Variants in ATF3 observed in about 807,000 individuals in gnomAD.
ATF3 encodes activating transcription factor 3.
Under a neutral mutation model 18.4 loss-of-function variants are expected in ATF3, and 10 were observed. That is an observed-to-expected ratio of 0.54 (90% confidence interval 0.34 to 0.92). The LOEUF is 0.92. Ranked by LOEUF, ATF3 falls within the 40% of genes least tolerant of loss-of-function variation. The pLI, the probability that ATF3 is intolerant of heterozygous loss-of-function variation, is 0.02. For synonymous variants in ATF3, 78 were observed against 87.9 expected (o/e 0.89, Z 0.63); for missense variants, 183 against 222.3 (o/e 0.82, Z 1.12).
At chr1:212,566,326 G>C (rs1174791220) in intron 1 of ATF3, among the ~76,000 whole-genome samples, 1 of 152,076 alleles carries the variant, frequency 6.6e-6, no homozygotes, top group Non-Finnish European at 1.5e-5. Flanking sequence ...CACCAGAAAG[G>C]GCACAAGTTT....
intron 1 of ATF3, among the ~76,000 whole-genome samples, chr1:212,588,774 A>AT (rs1159144899): frequency 6.6e-6 from 1 of 151,716 alleles, no homozygotes; most frequent in Non-Finnish European, 1.5e-5. Context: ...TCATTTCCTG[A>AT]TTTTTTCCAT....
chr1:212,615,258 C>T lies in ATF3; in HGVS notation c.237C>T (p.Ala79=), dbSNP rs549700765. ...CCCTCGGGGTGTCCATCACAAAAGCCGAGGTGGGTTCTATCACAGGTATTC... is the reference window on the plus strand; with the variant it reads ...CCCTCGGGGTGTCCATCACAAAAGCTGAGGTGGGTTCTATCACAGGTATTC... ...DRPLGVSITK[A]EVAPEEDERK... is the part of the protein sequence containing the mutation. Residue 79 remains alanine, a synonymous_variant, in exon 2 of 4, where the codon GCC becomes GCT. Coordinates refer to ENST00000341491, the MANE Select transcript of ATF3 (RefSeq NM_001674.4). 15 of 1,610,110 alleles carry T rather than the reference C, an allele frequency of 9.3e-6. No homozygotes were observed. The highest frequency in any genetic ancestry group is 2.2e-5 in the East Asian group (1 of 44,872).
At chr1:212,598,899 T>C (rs547828917) in intron 1 of ATF3, among the ~76,000 whole-genome samples, 113 of 152,374 alleles carry the variant, frequency 7.4e-4, no homozygotes, top group African/African-American at 2.5e-3. Context: ...TCTTGGCTAC[T>C]GTGAACAGAG....
At chr1:212,594,178 C>T (rs74138559) in intron 1 of ATF3, among the ~76,000 whole-genome samples, 3,172 of 152,244 alleles carry the variant, frequency 0.021, 119 homozygotes, top group African/African-American at 0.07. Flanking sequence ...GTGGAGCTGA[C>T]GAGCAGCTGG....
chr1:212,604,580 A>G (rs1434569597), upstream of ATF3, among the ~76,000 whole-genome samples: 1 of 152,102 alleles, frequency 6.6e-6, no homozygotes, highest in Non-Finnish European at 1.5e-5. Flanking sequence ...TCTTAACTCT[A>G]GTTTTTGGAG....
chr1:212,569,517 C>T (rs1414173363), intron 1 of ATF3, among the ~76,000 whole-genome samples: 1 of 152,012 alleles, frequency 6.6e-6, no homozygotes, highest in African/African-American at 2.4e-5. Context: ...AGAAAGGAGA[C>T]AGTAGACAGA....
upstream of ATF3, among the ~76,000 whole-genome samples, chr1:212,607,279 G>A (rs370293770): frequency 9.2e-5 from 14 of 152,316 alleles, no homozygotes; most frequent in East Asian, 2.3e-3. Context: ...TCTCCCAGAG[G>A]CAGGTGGAAA....
At chr1:212,601,893 T>C (rs538777589) in intron 1 of ATF3, among the ~76,000 whole-genome samples, 12 of 152,198 alleles carry the variant, frequency 7.9e-5, no homozygotes, top group Non-Finnish European at 1.8e-4. Flanking sequence ...ATTTATTGAA[T>C]GTCACTTTTG....
chr1:212,579,170 C>T (rs1664635731), intron 1 of ATF3, among the ~76,000 whole-genome samples: 1 of 151,926 alleles, frequency 6.6e-6, no homozygotes, highest in Non-Finnish European at 1.5e-5. Flanking sequence ...CACCACCATG[C>T]CTGGTTAATT....
intron 1 of ATF3, among the ~76,000 whole-genome samples, chr1:212,597,435 C>CTATCTATT (rs1381145691): frequency 6.6e-6 from 1 of 152,020 alleles, no homozygotes; most frequent in East Asian, 1.9e-4. Flanking sequence ...ATCTATCTAT[C>CTATCTATT]TATCTATCTA....
Position 212,618,962 on chromosome 1 carries a change from C to T in ATF3, c.349-396C>T. 2 of 1,559,152 alleles carry T rather than the reference C, an allele frequency of 1.3e-6. No homozygotes were observed. The highest frequency in any genetic ancestry group is 2.2e-5 in the South Asian group (2 of 89,666). On this transcript the variant is annotated intron_variant, in intron 3 of 3. Transcript: ENST00000341491. The surrounding 1 kb of genome is among the most constrained non-coding windows in gnomAD (Gnocchi z 4.4). ...AGGGAATTTTGTGTGTTGCTATATACATTTTTTCTGGGGAGATGAGCTTCT... is the reference window on the plus strand; with the variant it reads ...AGGGAATTTTGTGTGTTGCTATATATATTTTTTCTGGGGAGATGAGCTTCT...
intron 1 of ATF3, among the ~76,000 whole-genome samples, chr1:212,566,135 G>A (rs995917571): frequency 1.2e-4 from 19 of 152,282 alleles, no homozygotes; most frequent in African/African-American, 4.1e-4. Flanking sequence ...TGAGGGTCAG[G>A]AGATCTTGTT....
chr1:212,576,317 G>A (rs1664575152), intron 1 of ATF3, among the ~76,000 whole-genome samples: 1 of 151,600 alleles, frequency 6.6e-6, no homozygotes, highest in Non-Finnish European at 1.5e-5. Flanking sequence ...CTTTCTGTTT[G>A]TGTTTTTCTC....
chr1:212,593,901 T>C (rs1270102267), intron 1 of ATF3, among the ~76,000 whole-genome samples: 1 of 152,200 alleles, frequency 6.6e-6, no homozygotes, highest in Non-Finnish European at 1.5e-5. Flanking sequence ...AAAGTCCCTG[T>C]TCAATCTGTG....
At chr1:212,602,283 C>G (rs180975819) in intron 1 of ATF3, among the ~76,000 whole-genome samples, 1 of 152,154 alleles carries the variant, frequency 6.6e-6, no homozygotes, top group African/African-American at 2.4e-5. Context: ...TTCTTACAAT[C>G]AGCTTTTTTC....
chr1:212,603,351 G>A (rs1024003732), intron 1 of ATF3, among the ~76,000 whole-genome samples: 7 of 152,202 alleles, frequency 4.6e-5, no homozygotes, highest in South Asian at 4.1e-4. Context: ...AGAGGGGCAG[G>A]GATTTAAAAA....
At chr1:212,590,477 C>A (rs1286454361) in intron 1 of ATF3, among the ~76,000 whole-genome samples, 3 of 152,008 alleles carry the variant, frequency 2.0e-5, no homozygotes, top group Non-Finnish European at 4.4e-5. Flanking sequence ...AGTTCACCAT[C>A]CAAATAATTT....
intron 1 of ATF3, among the ~76,000 whole-genome samples, chr1:212,580,376 A>T (rs892735985): frequency 2.7e-5 from 4 of 149,312 alleles, no homozygotes; most frequent in African/African-American, 1.0e-4. Context: ...GTGCAGTGGC[A>T]CGATCTCTGC....
chr1:212,576,696 A>T (rs918354341), intron 1 of ATF3, among the ~76,000 whole-genome samples: 6 of 149,076 alleles, frequency 4.0e-5, no homozygotes, highest in Middle Eastern at 3.5e-3. Flanking sequence ...AAAAGTTATT[A>T]AAAAATATTC....
Sources: allele counts gnomAD v4.1 joint callset (sites outside exome capture counted in the v4.1 genomes callset), GRCh38; gene constraint gnomAD v4.1.1; non-coding constraint Gnocchi (gnomAD v3.1); transcripts MANE v1.5; gene names NCBI Gene and HGNC (gene_info 2026-07-23, HGNC 2026-07-21).